The following GLRA3 variants were observed in gnomAD, a reference collection of about 807,000 sequenced individuals.
GLRA3 encodes glycine receptor alpha 3.
GLRA3 carries 44 observed loss-of-function variants against 60.4 expected under a neutral mutation model. That is an observed-to-expected ratio of 0.73 (90% CI 0.57 to 0.94). The LOEUF is 0.94. Ranked by LOEUF, GLRA3 falls within the 40% of genes least tolerant of loss-of-function variation. The pLI, the probability that GLRA3 is intolerant of heterozygous loss-of-function variation, is 0.00. For missense variants in GLRA3, 508 were observed against 564.6 expected (o/e 0.90, Z 1.02); for synonymous variants, 223 against 192.9 (o/e 1.16, Z -1.29).
intron 1 of GLRA3, among the ~76,000 whole-genome samples, chr4:174,807,374 T>C (rs1366114117): frequency 6.6e-6 from 1 of 152,064 alleles, no homozygotes. Flanking sequence ...TAAACACAGA[T>C]TCACTTTCAA....
At chr4:174,790,580 C>T (rs1174674337) in intron 1 of GLRA3, among the ~76,000 whole-genome samples, 1 of 151,712 alleles carries the variant, frequency 6.6e-6, no homozygotes, top group African/African-American at 2.4e-5. Flanking sequence ...CTTGCAAAAT[C>T]TCTCCTTTCA....
At chr4:174,720,153 T>G (rs1023388058) in intron 4 of GLRA3, among the ~76,000 whole-genome samples, 3 of 152,158 alleles carry the variant, frequency 2.0e-5, no homozygotes, top group Admixed American at 2.0e-4. Context: ...TTGGGTTTCT[T>G]AGTAATATTA....
chr4:174,722,692 GTTCAATTAGTCGTCT>G (rs1736175596), intron 4 of GLRA3: 1 of 163,644 alleles, frequency 6.1e-6, no homozygotes, highest in Non-Finnish European at 1.5e-5. Context: ...AAATATGTAA[GTTCAATTAGTCGTCT>G]TTGCAAGGAC....
At chr4:174,748,863 AAGAT>A (rs1374028571) in intron 3 of GLRA3, among the ~76,000 whole-genome samples, 1 of 137,826 alleles carries the variant, frequency 7.3e-6, no homozygotes, top group Non-Finnish European at 1.5e-5. Context: ...AGAAATTAGA[AAGAT>A]AGAAAGATAT....
intron 4 of GLRA3, among the ~76,000 whole-genome samples, chr4:174,721,596 T>A (rs946366237): frequency 6.6e-6 from 1 of 151,860 alleles, no homozygotes; most frequent in Non-Finnish European, 1.5e-5. Context: ...GCTCATTGAG[T>A]AATGGTCTTG....
intron 6 of GLRA3, among the ~76,000 whole-genome samples, chr4:174,681,123 G>C (rs1472074479): frequency 2.0e-5 from 3 of 152,102 alleles, no homozygotes; most frequent in African/African-American, 7.2e-5. Flanking sequence ...AGATCTCTAC[G>C]ATACCACCCA....
intron 1 of GLRA3, among the ~76,000 whole-genome samples, chr4:174,817,634 G>A (rs1740562215): frequency 6.6e-6 from 1 of 152,104 alleles, no homozygotes; most frequent in Non-Finnish European, 1.5e-5. Flanking sequence ...TTGAGATGGA[G>A]TCTTGCTCTG....
At chr4:174,749,037 T>C (rs1737355227) in intron 3 of GLRA3, among the ~76,000 whole-genome samples, 1 of 152,148 alleles carries the variant, frequency 6.6e-6, no homozygotes, top group African/African-American at 2.4e-5. Flanking sequence ...TCAATGGAGA[T>C]TCCCTGTCAT....
chr4:174,660,853 A>G (rs77515430), intron 7 of GLRA3, among the ~76,000 whole-genome samples: 2 of 152,334 alleles, frequency 1.3e-5, no homozygotes, highest in African/African-American at 4.8e-5. Context: ...GTGATGTAAT[A>G]CATTAACATC....
intron 1 of GLRA3, among the ~76,000 whole-genome samples, chr4:174,804,259 G>C (rs1019439346): frequency 2.0e-5 from 3 of 152,136 alleles, no homozygotes; most frequent in Non-Finnish European, 4.4e-5. Flanking sequence ...TGATGGGAAA[G>C]AGTACGGAAA....
intron 2 of GLRA3, among the ~76,000 whole-genome samples, chr4:174,785,899 A>G (rs1399851971): frequency 2.0e-5 from 3 of 150,040 alleles, no homozygotes; most frequent in Non-Finnish European, 4.4e-5. Context: ...CCTCCCAAGA[A>G]GCCAGGACTA....
intron 1 of GLRA3, among the ~76,000 whole-genome samples, chr4:174,798,636 C>G (rs1208774127): frequency 6.6e-6 from 1 of 151,948 alleles, no homozygotes; most frequent in Middle Eastern, 3.2e-3. Flanking sequence ...ATTTAAAAGA[C>G]TTTTAAGGCT....
intron 2 of GLRA3, among the ~76,000 whole-genome samples, chr4:174,778,449 GA>G (rs968174482): frequency 6.6e-6 from 1 of 151,384 alleles, no homozygotes; most frequent in African/African-American, 2.4e-5. Context: ...GTTGGTAAAA[GA>G]AAAAAAACAC....
At chr4:174,712,424 A>G (rs1735749311) in intron 5 of GLRA3, 1 of 152,172 alleles carries the variant, frequency 6.6e-6, no homozygotes, top group African/African-American at 2.4e-5. Flanking sequence ...ACCACCCAAC[A>G]TAATATGTGG....
chr4:174,790,710 G>T (rs539794690), intron 1 of GLRA3, among the ~76,000 whole-genome samples: 1 of 151,636 alleles, frequency 6.6e-6, no homozygotes, highest in African/African-American at 2.4e-5. Flanking sequence ...GCCGGGTGCG[G>T]TGGCTCACGC....
intron 5 of GLRA3, among the ~76,000 whole-genome samples, chr4:174,715,068 A>C (rs915999869): frequency 2.0e-5 from 3 of 152,250 alleles, no homozygotes; most frequent in African/African-American, 7.2e-5. Context: ...CCGAATACTC[A>C]ACCATTCAAC....
chr4:174,725,602 T>C (rs1277836585), intron 4 of GLRA3, among the ~76,000 whole-genome samples: 1 of 152,126 alleles, frequency 6.6e-6, no homozygotes, highest in African/African-American at 2.4e-5. Context: ...CACCTTAGTC[T>C]TCCTAGTCAC....
At chr4:174,719,026 A>T (rs182520855) in intron 4 of GLRA3, among the ~76,000 whole-genome samples, 1 of 133,364 alleles carries the variant, frequency 7.5e-6, no homozygotes, top group Non-Finnish European at 1.5e-5. Context: ...GCAGTGGCGC[A>T]ATCTCGGCTC....
At chr4:174,668,382 T>G (rs1579415248) in intron 7 of GLRA3, among the ~76,000 whole-genome samples, 1 of 152,194 alleles carries the variant, frequency 6.6e-6, no homozygotes, top group Admixed American at 6.5e-5. Context: ...GCAGTAATTT[T>G]GGATCATATT....
Sources: gnomAD v4.1 joint callset for allele counts (sites outside exome capture counted in the v4.1 genomes callset) on GRCh38, gnomAD v4.1.1 for gene constraint, MANE v1.5 for transcripts, NCBI Gene and HGNC (gene_info 2026-07-23, HGNC 2026-07-21) for gene names.